NDRG3: variants seen among roughly 807,000 people sequenced by gnomAD.
NDRG3 encodes protein NDRG3.
NDRG3 carries 23 observed loss-of-function variants against 57.2 expected under a neutral mutation model. The ratio of observed to expected loss-of-function variants is 0.40; its 90% CI spans 0.29 to 0.57. NDRG3 has a LOEUF of 0.57. Ranked by LOEUF, NDRG3 falls within the 20% of genes least tolerant of loss-of-function variation. NDRG3 has a pLI of 0.42. For synonymous variants in NDRG3, 132 were observed against 162.6 expected, an observed-to-expected ratio of 0.81 and a Z score of 1.43; for missense variants, 384 against 457.3, an observed-to-expected ratio of 0.84 and a Z score of 1.46.
At chr20:36,702,311 T>C (rs1983283241) in intron 3 of NDRG3, among the ~76,000 whole-genome samples, 1 of 152,006 alleles carries the variant, frequency 6.6e-6, no homozygotes, top group Non-Finnish European at 1.5e-5. Context: ...AATTTTTTTG[T>C]ATTTTTAGTA....
At chr20:36,741,436 T>C (rs1237282550) in intron 1 of NDRG3, among the ~76,000 whole-genome samples, 2 of 152,222 alleles carry the variant, frequency 1.3e-5, no homozygotes, top group African/African-American at 4.8e-5. Flanking sequence ...AGCAAGCTCT[T>C]TTTTTAATCC....
chr20:36,656,486 A>G lies in NDRG3; in HGVS notation c.894+11T>C. The G allele has an allele frequency of 1.2e-6, 2 of 1,614,162 alleles. No individual in the cohort carries two copies. Among genetic ancestry groups the G allele is most frequent in the Non-Finnish European group, 1.7e-6 (2 of 1,180,014 alleles). ...AGAATTAAATGGGTGTTTAAAAAAA[A>G]TTCTCCTTACCTGAACTACCTGGGG... On this transcript the variant is annotated intron_variant, in intron 14 of 15. Transcript: ENST00000349004.
intron 1 of NDRG3, among the ~76,000 whole-genome samples, chr20:36,739,134 C>T (rs6029164): frequency 0.72 from 62,769 of 87,092 alleles, 24,697 homozygotes; most frequent in Middle Eastern, 0.87. Context: ...GACCCCATCT[C>T]AAAAAAAAAA....
intron 1 of NDRG3, among the ~76,000 whole-genome samples, chr20:36,726,150 C>G (rs6072021): frequency 1.3e-5 from 2 of 152,062 alleles, no homozygotes; most frequent in Non-Finnish European, 2.9e-5. Context: ...TCTTGAACTC[C>G]TAGACTCAAG....
At chr20:36,700,726 T>G in intron 3 of NDRG3, 1 of 207,464 alleles carries the variant, frequency 4.8e-6, no homozygotes, top group Middle Eastern at 1.5e-3. Flanking sequence ...TAGGCTCTGG[T>G]CATAGATCTC....
At chr20:36,654,780 G>A in intron 15 of NDRG3, 2 of 779,670 alleles carry the variant, frequency 2.6e-6, no homozygotes, top group Non-Finnish European at 2.4e-6. Context: ...GGCGGGGCAG[G>A]GCCAGCACAG....
At position 36,660,358 on chromosome 20, in the gene NDRG3, A is replaced by G. The variant is rs759141629; in HGVS notation, c.837T>C (p.Pro279=). Reference sequence around the variant, plus strand: ...TTACCTTTAGCAAAGTTGTATTTATAGGGTTCAGGCGGGAATTGCATTCGA... The same window carrying G: ...TTACCTTTAGCAAAGTTGTATTTATGGGGTTCAGGCGGGAATTGCATTCGA... The part of the protein sequence containing the change: ...AVVECNSRLN[P]INTTLLKMAD... Residue 279 remains proline (P), a synonymous_variant, in exon 13 of 16, where the codon CCT becomes CCC. Coordinates refer to ENST00000349004, the MANE Select transcript of NDRG3 (RefSeq NM_032013.4). The G allele has an allele frequency of 1.9e-6, 3 of 1,608,872 alleles. No individual in the cohort carries two copies. The highest frequency in any genetic ancestry group is 2.5e-6 in the Non-Finnish European group (3 of 1,176,530).
intron 12 of NDRG3, 133 bp from the exon 13 acceptor site, chr20:36,660,517 C>A: frequency 2.4e-6 from 1 of 420,298 alleles, no homozygotes; most frequent in Non-Finnish European, 4.3e-6. Context: ...AAAGAGATTA[C>A]CAAAATACAT....
At position 36,712,102 on chromosome 20, in the gene NDRG3, TTTG is replaced by T. The variant is rs528148950; in HGVS notation, c.58-5098_58-5096del. ...CGCACCTGGTTGTTTTTTTGTTTTTTTTGTTGTTGTTTTTTTTTGAGAGCGATC... is the reference window on the plus strand; with the variant it reads ...CGCACCTGGTTGTTTTTTTGTTTTTTTTGTTGTTTTTTTTTGAGAGCGATC... On this transcript the variant is annotated intron_variant, in intron 2 of 15. Transcript: ENST00000349004. 1.7e-3 allele frequency among the ~76,000 whole-genome samples: 253 copies of T among 152,110 alleles called. 1 individual carries two copies. The highest frequency in any genetic ancestry group is 5.6e-3 in the African/African-American group (233 of 41,490).
rs776431593 is a variant in NDRG3 at position 36,688,788 on chromosome 20, T to C, written c.94-4A>G. 9 of 1,605,638 alleles carry C rather than the reference T, an allele frequency of 5.6e-6. No homozygotes were observed. Among genetic ancestry groups the C allele is most frequent in the African/African-American group, 1.3e-5 (1 of 74,870 alleles). ...GAGTTGTTTCTATATCATGTTCCTGTAACAAGAGAATGTAAGTTCTCAGAA... is the reference window on the plus strand; with the variant it reads ...GAGTTGTTTCTATATCATGTTCCTGCAACAAGAGAATGTAAGTTCTCAGAA... On this transcript the variant is annotated splice_polypyrimidine_tract_variant and splice_region_variant and intron_variant, in intron 3 of 15. Transcript: ENST00000349004.
chr20:36,679,055 A>G (rs1027038085), intron 8 of NDRG3, among the ~76,000 whole-genome samples: 65 of 152,136 alleles, frequency 4.3e-4, no homozygotes, highest in African/African-American at 1.5e-3. Context: ...GGTTCAAGCA[A>G]TTCTCCTGCC....
chr20:36,705,318 T>C (rs1047425134), intron 3 of NDRG3, among the ~76,000 whole-genome samples: 4 of 128,632 alleles, frequency 3.1e-5, no homozygotes, highest in African/African-American at 1.3e-4. Context: ...CAAGACTCTG[T>C]CTCAAAAAAA....
intron 15 of NDRG3, among the ~76,000 whole-genome samples, chr20:36,654,370 C>A (rs1326626870): frequency 6.6e-6 from 1 of 152,184 alleles, no homozygotes; most frequent in Non-Finnish European, 1.5e-5. Flanking sequence ...CCCTGCCTAT[C>A]GTCCTGGGCA....
At chr20:36,688,919 C>T (rs1201866368) in intron 3 of NDRG3, 135 bp from the exon 4 acceptor site, 21 of 676,714 alleles carry the variant, frequency 3.1e-5, no homozygotes, top group Non-Finnish European at 5.0e-5. Flanking sequence ...TGTGGCTGGG[C>T]GTGGTGGTTC....
chr20:36,673,425 G>C (rs1293786631), intron 8 of NDRG3, among the ~76,000 whole-genome samples: 1 of 151,706 alleles, frequency 6.6e-6, no homozygotes, highest in Non-Finnish European at 1.5e-5. Context: ...TTGAGACAGG[G>C]TCTCGTTCTC....
chr20:36,691,414 G>A (rs2148128023), intron 3 of NDRG3, among the ~76,000 whole-genome samples: 1 of 152,256 alleles, frequency 6.6e-6, no homozygotes, highest in East Asian at 1.9e-4. Flanking sequence ...TGTGAAACTG[G>A]CTATGAAATA....
intron 8 of NDRG3, among the ~76,000 whole-genome samples, chr20:36,673,452 G>C (rs570206163): frequency 6.6e-6 from 1 of 152,042 alleles, no homozygotes; most frequent in South Asian, 2.1e-4. Context: ...TATCACCCAG[G>C]CTGGAGTGAA....
At chr20:36,744,903 T>G (rs1295003342) in intron 1 of NDRG3, among the ~76,000 whole-genome samples, 1 of 137,862 alleles carries the variant, frequency 7.3e-6, no homozygotes, top group East Asian at 2.4e-4. Flanking sequence ...GCTAGCCCAG[T>G]CAGCCCAGTC....
chr20:36,660,253 C>T (rs1407850633), intron 13 of NDRG3, 84 bp downstream of exon 13: 2 of 1,088,064 alleles, frequency 1.8e-6, no homozygotes, highest in Non-Finnish European at 2.7e-6. Context: ...GGAAGCTTTG[C>T]TCCTTTCTAA....
Sources: gnomAD v4.1 joint callset for allele counts (sites outside exome capture counted in the v4.1 genomes callset) on GRCh38, gnomAD v4.1.1 for gene constraint, MANE v1.5 for transcripts, NCBI Gene and HGNC (gene_info 2026-07-23, HGNC 2026-07-21) for gene names.